NEO1: variants seen among roughly 807,000 people sequenced by gnomAD.
NEO1 encodes neogenin.
In NEO1, 63 loss-of-function variants were observed where a neutral mutation model predicts 159.7. The ratio of observed to expected loss-of-function variants is 0.39; its 90% CI spans 0.32 to 0.49. NEO1 has a LOEUF of 0.49. NEO1 is among the 20% of genes least tolerant of loss of function. The probability of loss-of-function intolerance (pLI) is 0.85; values close to 1 mark genes in which losing one functional copy is unlikely to be tolerated. For synonymous variants in NEO1, 633 were observed against 662.0 expected (o/e 0.96, Z 0.67); for missense variants, 1,615 against 1,831.0 (o/e 0.88, Z 2.15).
intron 7 of NEO1, among the ~76,000 whole-genome samples, chr15:73,204,377 GA>G (rs2037093601): frequency 6.6e-6 from 1 of 151,934 alleles, no homozygotes; most frequent in African/African-American, 2.4e-5. Context: ...ATTAATTTTG[GA>G]AAATTCTCGC....
At chr15:73,267,075 A>G (rs898371018) in intron 16 of NEO1, among the ~76,000 whole-genome samples, 2 of 152,128 alleles carry the variant, frequency 1.3e-5, no homozygotes, top group Admixed American at 6.5e-5. Context: ...TGGCTAACAC[A>G]GTGAAACCCT....
chr15:73,095,806 C>A (rs935750637), intron 1 of NEO1, among the ~76,000 whole-genome samples: 1 of 151,912 alleles, frequency 6.6e-6, no homozygotes, highest in African/African-American at 2.4e-5. Flanking sequence ...TATGAAAAAA[C>A]TATGCATGGA....
At position 73,283,041 on chromosome 15, in the gene NEO1, G is replaced by C; in HGVS notation, c.3340G>C (p.Val1114Leu). Residue 1114 changes from valine to leucine, a missense_variant, in exon 23 of 29, where the codon GTC becomes CTC. Transcript: ENST00000261908. ...MLLVIIVSVG[V>L]ITIVVVVIIA... ...GCTGGTCATAATTGTTTCTGTTGGC[G>C]TCATCACCATCGTGGTGGTTGTGAT... The C allele has an allele frequency of 6.2e-6, 10 of 1,614,112 alleles. No homozygotes were observed. Among genetic ancestry groups the C allele is most frequent in the Non-Finnish European group, 7.6e-6 (9 of 1,180,026 alleles).
intron 7 of NEO1, among the ~76,000 whole-genome samples, chr15:73,192,566 A>G (rs921996708): frequency 2.6e-5 from 4 of 151,984 alleles, no homozygotes; most frequent in African/African-American, 9.7e-5. Context: ...TTAAAGATTC[A>G]TATGTTAGAC....
intron 15 of NEO1, among the ~76,000 whole-genome samples, chr15:73,263,911 C>T (rs1445195432): frequency 1.3e-5 from 2 of 152,278 alleles, no homozygotes; most frequent in African/African-American, 4.8e-5. Flanking sequence ...TCTGGCCAGG[C>T]ACAGTGGCTC....
At chr15:73,297,285 A>G (rs942680694) in intron 26 of NEO1, among the ~76,000 whole-genome samples, 2 of 152,172 alleles carry the variant, frequency 1.3e-5, no homozygotes, top group African/African-American at 4.8e-5. Context: ...TAACTGTGCA[A>G]ATGGGCAATT....
chr15:73,243,717 A>G (rs1027065355), intron 8 of NEO1, among the ~76,000 whole-genome samples: 16 of 152,240 alleles, frequency 1.1e-4, no homozygotes, highest in African/African-American at 3.6e-4. Context: ...TGTTTGTGAT[A>G]AAGTTTGTCA....
At chr15:73,206,030 C>G (rs56215298) in intron 7 of NEO1, among the ~76,000 whole-genome samples, 48,558 of 151,608 alleles carry the variant, frequency 0.32, 8,928 homozygotes, top group Admixed American at 0.45. Flanking sequence ...GCCTCAGCCT[C>G]TTGAGTAGCT....
intron 7 of NEO1, among the ~76,000 whole-genome samples, chr15:73,220,195 C>T (rs1338683631): frequency 6.6e-6 from 1 of 152,028 alleles, no homozygotes; most frequent in Non-Finnish European, 1.5e-5. Flanking sequence ...TTTAGTTTGG[C>T]TGGATATGAA....
chr15:73,281,934 TAGGAAA>T (rs2041735908), intron 22 of NEO1, among the ~76,000 whole-genome samples: 1 of 152,184 alleles, frequency 6.6e-6, no homozygotes, highest in Non-Finnish European at 1.5e-5. Context: ...GAAATAATAA[TAGGAAA>T]AGGAAAAGAA....
intron 13 of NEO1, 112 bp downstream of exon 13, chr15:73,254,941 G>A: frequency 1.6e-6 from 2 of 1,229,482 alleles, no homozygotes; most frequent in Non-Finnish European, 2.2e-6. Context: ...AATTTAAAAT[G>A]GTTCAGAAAA....
At chr15:73,152,424 T>C (rs1439941142) in intron 5 of NEO1, among the ~76,000 whole-genome samples, 1 of 152,214 alleles carries the variant, frequency 6.6e-6, no homozygotes, top group South Asian at 2.1e-4. Context: ...GCTGAAAACA[T>C]GGACGCTCCT....
At chr15:73,278,859 T>C (rs772568177) in intron 22 of NEO1, among the ~76,000 whole-genome samples, 2 of 152,200 alleles carry the variant, frequency 1.3e-5, no homozygotes, top group Non-Finnish European at 2.9e-5. Context: ...CCAGGGCTTC[T>C]CATTTCTGAT....
intron 7 of NEO1, among the ~76,000 whole-genome samples, chr15:73,187,099 CTG>C (rs1272121748): frequency 6.6e-6 from 1 of 152,162 alleles, no homozygotes. Flanking sequence ...CACAACAATA[CTG>C]TGTGTCGAAG....
intron 1 of NEO1, among the ~76,000 whole-genome samples, chr15:73,091,889 A>G (rs1028689127): frequency 6.6e-6 from 1 of 151,948 alleles, no homozygotes; most frequent in Non-Finnish European, 1.5e-5. Context: ...AGCCTCCCAA[A>G]GTGCTGGGGT....
At chr15:73,199,050 A>G (rs565866253) in intron 7 of NEO1, among the ~76,000 whole-genome samples, 1 of 147,706 alleles carries the variant, frequency 6.8e-6, no homozygotes, top group East Asian at 2.0e-4. Context: ...TGCCATTATT[A>G]CATTTAGTCA....
intron 25 of NEO1, among the ~76,000 whole-genome samples, chr15:73,292,322 GTTAA>G (rs998766678): frequency 5.3e-5 from 8 of 152,226 alleles, no homozygotes; most frequent in Admixed American, 3.3e-4. Flanking sequence ...GCCACTAAGT[GTTAA>G]TTAAGTAGTA....
At chr15:73,258,637 C>G (rs1790800939) in intron 13 of NEO1, 129 bp from the exon 14 acceptor site, 2 of 700,434 alleles carry the variant, frequency 2.9e-6, no homozygotes, top group Non-Finnish European at 4.9e-6. Flanking sequence ...ACTGTATTAA[C>G]TTAAACTGAA....
intron 8 of NEO1, among the ~76,000 whole-genome samples, chr15:73,242,557 ACGTACTGG>A (rs1399339118): frequency 2.0e-5 from 3 of 152,132 alleles, no homozygotes; most frequent in African/African-American, 7.2e-5. Flanking sequence ...AGTCCCAGCT[ACGTACTGG>A]AGGCCAGGGC....
Sources: gnomAD v4.1 joint callset for allele counts (sites outside exome capture counted in the v4.1 genomes callset) on GRCh38, gnomAD v4.1.1 for gene constraint, MANE v1.5 for transcripts, NCBI Gene and HGNC (gene_info 2026-07-23, HGNC 2026-07-21) for gene names.